The following WWOX variants were observed in gnomAD, a reference collection of about 807,000 sequenced individuals.
WWOX encodes WW domain containing oxidoreductase.
A neutral mutation model predicts 46.2 loss-of-function variants in WWOX; 69 were observed. That is an observed-to-expected ratio of 1.49 (90% CI 1.23 to 1.82). WWOX has a LOEUF of 1.82. WWOX is among the 40% of genes most tolerant of loss of function. The pLI is 0.00. For synonymous variants in WWOX, 359 were observed against 202.6 expected (o/e 1.77, Z -6.56); for missense variants, 919 against 542.6 (o/e 1.69, Z -6.89).
chr16:79,095,646 A>C (rs8052725), intron 8 of WWOX, among the ~76,000 whole-genome samples: 68,786 of 151,876 alleles, frequency 0.45, 16,151 homozygotes, highest in East Asian at 0.78. Context: ...AGTAGGCTCT[A>C]ACCTGGCAGG....
chr16:78,983,548 T>A (rs770603252), intron 8 of WWOX, among the ~76,000 whole-genome samples: 7 of 152,186 alleles, frequency 4.6e-5, no homozygotes, highest in Non-Finnish European at 8.8e-5. Context: ...GAATGAGTTG[T>A]GGGGCTAAAT....
intron 4 of WWOX, among the ~76,000 whole-genome samples, chr16:78,129,699 G>A (rs376052555): frequency 2.0e-5 from 3 of 151,908 alleles, no homozygotes; most frequent in East Asian, 3.9e-4. Context: ...TCTATAGTGG[G>A]ATTTTTTTTC....
chr16:78,572,277 C>T (rs567371709), intron 8 of WWOX, among the ~76,000 whole-genome samples: 50 of 152,244 alleles, frequency 3.3e-4, no homozygotes, highest in African/African-American at 1.2e-3. Flanking sequence ...ACAGAAGAAT[C>T]TCAGCAACAT....
At chr16:78,305,197 C>T (rs1319246743) in intron 5 of WWOX, among the ~76,000 whole-genome samples, 1 of 152,116 alleles carries the variant, frequency 6.6e-6, no homozygotes, top group Non-Finnish European at 1.5e-5. Context: ...TTCAAATCAC[C>T]AACTGAATTT....
intron 8 of WWOX, among the ~76,000 whole-genome samples, chr16:78,862,959 GTTT>G (rs35529711): frequency 1.5e-5 from 2 of 133,620 alleles, no homozygotes; most frequent in Non-Finnish European, 3.2e-5. Flanking sequence ...GTTATGCCAA[GTTT>G]TTTTTTTTTT....
chr16:78,472,471 GTA>G (rs1399040324), intron 8 of WWOX, among the ~76,000 whole-genome samples: 1 of 152,070 alleles, frequency 6.6e-6, no homozygotes, highest in Non-Finnish European at 1.5e-5. Flanking sequence ...TTTCTCTAAA[GTA>G]TACTTGATTT....
rs968922341 is a variant in WWOX at position 78,868,808 on chromosome 16, A to G, written c.1057-342800A>G. Reference sequence around the variant, plus strand: ...AGATAATGACCATTAATAATCTGGCAGGAGAGGAAAGACCTGCAGCTCTTC... The same window carrying G: ...AGATAATGACCATTAATAATCTGGCGGGAGAGGAAAGACCTGCAGCTCTTC... On this transcript the variant is annotated intron_variant, in intron 8 of 8. Transcript: ENST00000566780. Among the ~76,000 whole-genome samples, 10 of 152,324 alleles carry G rather than the reference A, an allele frequency of 6.6e-5. No homozygotes were observed. The South Asian group carries it at 2.1e-3, about 32-fold the overall frequency.
chr16:79,145,775 T>C (rs8050239), intron 8 of WWOX, among the ~76,000 whole-genome samples: 65,758 of 151,964 alleles, frequency 0.43, 14,900 homozygotes, highest in African/African-American at 0.58. Context: ...GGTAAATATA[T>C]ACAAATTAGC....
intron 2 of WWOX, among the ~76,000 whole-genome samples, chr16:78,108,842 G>C (rs931654417): frequency 6.6e-6 from 1 of 152,188 alleles, no homozygotes; most frequent in African/African-American, 2.4e-5. Flanking sequence ...ACAAAAATTA[G>C]CTGGGCATGG....
rs80100182 is a variant in WWOX, at chr16:78,545,426, C to G, written c.1056+112674C>G. 4.9e-3 allele frequency among the ~76,000 whole-genome samples: 741 copies of G among 152,188 alleles called. 3 individuals are homozygous for G. The highest frequency in any genetic ancestry group is 7.4e-3 in the Non-Finnish European group (500 of 68,012). ...AGAGATGGGATTTCATTATGTTGCC[C>G]AGGTTGGCCTCAAAGTCCTGGGATG... On this transcript the variant is annotated intron_variant, in intron 8 of 8. Transcript: ENST00000566780.
rs146997126 is a variant in WWOX at position 78,913,613 on chromosome 16, T to C, written c.1057-297995T>C. On this transcript the variant is annotated intron_variant, in intron 8 of 8. Transcript: ENST00000566780. ...ATGTGAGAAATCTTTTACTGTATCA[T>C]AGTAGCAAGCATTACCCCAACCAAT... Among the ~76,000 whole-genome samples, 5 of 151,822 alleles carry C rather than the reference T, an allele frequency of 3.3e-5. No individual in the cohort carries two copies. The East Asian group carries it at 9.7e-4, about 29-fold the overall frequency.
chr16:78,803,086 C>T (rs1051149504), intron 8 of WWOX, among the ~76,000 whole-genome samples: 2 of 151,390 alleles, frequency 1.3e-5, no homozygotes, highest in Non-Finnish European at 2.9e-5. Context: ...TAAAAAATGT[C>T]TTGGAATCAG....
intron 8 of WWOX, among the ~76,000 whole-genome samples, chr16:78,499,898 A>T (rs922263964): frequency 1.3e-5 from 2 of 152,134 alleles, no homozygotes; most frequent in African/African-American, 4.8e-5. Context: ...CTATAAATAG[A>T]CATTCCTGGC....
At chr16:78,753,820 AAAAAAATATATATAT>A (rs1465048237) in intron 8 of WWOX, among the ~76,000 whole-genome samples, 31 of 76,506 alleles carry the variant, frequency 4.1e-4, no homozygotes, top group African/African-American at 1.4e-3. Context: ...AAAAAAAAAA[AAAAAAATATATATAT>A]ATATATATAT....
At chr16:78,511,276 C>G (rs1412136232) in intron 8 of WWOX, among the ~76,000 whole-genome samples, 3 of 152,218 alleles carry the variant, frequency 2.0e-5, no homozygotes, top group Non-Finnish European at 4.4e-5. Flanking sequence ...TGTCTTTTCC[C>G]TTCCGTCAAG....
chr16:78,311,629 C>T, intron 5 of WWOX, among the ~76,000 whole-genome samples: 1 of 152,138 alleles, frequency 6.6e-6, no homozygotes, highest in South Asian at 2.1e-4. Flanking sequence ...AGAATCCAGA[C>T]TCAACTTACT....
In WWOX at chr16:79,191,116, C is replaced by T. The variant is rs768267077; in HGVS notation, c.1057-20492C>T. On this transcript the variant is annotated intron_variant, in intron 8 of 8. Coordinates refer to ENST00000566780, the MANE Select transcript of WWOX (RefSeq NM_016373.4). ...TCGCCCAGGCTGGAGTGCAGTGGCA[C>T]AACCTTGGCTCAGTGCAGCCTCCGC... Among the ~76,000 whole-genome samples the T allele has an allele frequency of 2.6e-5, 4 of 152,134 alleles. No individual in the cohort carries two copies. In the East Asian group the frequency reaches 7.7e-4, roughly 29 times the overall value.
chr16:78,586,669 T>C (rs1409108825), intron 8 of WWOX, among the ~76,000 whole-genome samples: 1 of 152,256 alleles, frequency 6.6e-6, no homozygotes, highest in Admixed American at 6.5e-5. Context: ...GCCTGTTGAA[T>C]GTGTAGGATT....
intron 8 of WWOX, among the ~76,000 whole-genome samples, chr16:78,755,720 G>C (rs1024662449): frequency 1.3e-5 from 2 of 152,106 alleles, no homozygotes; most frequent in Non-Finnish European, 2.9e-5. Flanking sequence ...TGATAGTTCA[G>C]TACCCGCTAT....
Sources: allele counts gnomAD v4.1 joint callset (sites outside exome capture counted in the v4.1 genomes callset), GRCh38; gene constraint gnomAD v4.1.1; transcripts MANE v1.5; gene names NCBI Gene and HGNC (gene_info 2026-07-23, HGNC 2026-07-21).